The following AFF3 variants were observed in gnomAD, a reference collection of about 807,000 sequenced individuals.
The protein encoded by AFF3 is AF4/FMR2 family member 3.
AFF3 carries 32 observed loss-of-function variants against 129.7 expected under a neutral mutation model. The ratio of observed to expected loss-of-function variants is 0.25; its 90% CI spans 0.19 to 0.33. AFF3 has a LOEUF of 0.33. Among genes scored for constraint, AFF3 ranks in the 10% least tolerant of loss-of-function variants. AFF3 has a pLI of 1.00. For synonymous variants in AFF3, 644 were observed against 635.4 expected, an observed-to-expected ratio of 1.01 and a Z score of -0.20; for missense variants, 1,373 against 1,592.0, an observed-to-expected ratio of 0.86 and a Z score of 2.34.
chr2:99,996,445 C>T (rs763232229), intron 7 of AFF3, among the ~76,000 whole-genome samples: 24 of 151,392 alleles, frequency 1.6e-4, no homozygotes, highest in Non-Finnish European at 2.9e-4. Context: ...AGTCTCACTC[C>T]GTTGCCCAGG....
chr2:99,849,481 C>T (rs569398259), intron 7 of AFF3, among the ~76,000 whole-genome samples: 4 of 152,132 alleles, frequency 2.6e-5, no homozygotes, highest in South Asian at 2.1e-4. Flanking sequence ...TATGTCCCTG[C>T]GGTGGGGGCG....
chr2:99,664,957 T>A (rs1044578009), intron 12 of AFF3, among the ~76,000 whole-genome samples: 1 of 152,242 alleles, frequency 6.6e-6, no homozygotes, highest in Non-Finnish European at 1.5e-5. Context: ...GAGGGAGGTC[T>A]CCCTGAGGAA....
rs888602927 is a variant in AFF3, at chr2:99,593,893, G to A, written c.1768C>T (p.Arg590Cys). 5 of 1,486,370 alleles carry A rather than the reference G, an allele frequency of 3.4e-6. No individual in the cohort carries two copies. Among genetic ancestry groups the A allele is most frequent in the Non-Finnish European group, 4.4e-6 (5 of 1,125,914 alleles). The allele number at this position is 1,486,370 out of a possible 1,614,324, so 92.1% of individuals were successfully genotyped here. The change falls in exon 15 of 25, where the codon CGC (arginine) becomes TGC (cysteine). Residue 590 changes from arginine (R) to cysteine (C), a missense_variant. Coordinates refer to ENST00000672756, the MANE Select transcript of AFF3 (RefSeq NM_001386135.1). ...RRSAGKKPTRRTERTSAGDGA... is the reference protein window; with the variant it reads ...RRSAGKKPTRCTERTSAGDGA... ...TCCCCGGCTGAGGTCCTCTCGGTGC[G>A]CCTGGTGGGCTTCTTGCCCGCGGAC...
intron 11 of AFF3, among the ~76,000 whole-genome samples, chr2:99,708,297 C>T (rs1268783405): frequency 1.3e-5 from 2 of 152,176 alleles, no homozygotes; most frequent in South Asian, 2.1e-4. Flanking sequence ...ATTTCCACTC[C>T]TATCCTCTTG....
chr2:99,569,030 G>T, intron 18 of AFF3, 115 bp from the exon 19 acceptor site: 2 of 977,632 alleles, frequency 2.0e-6, no homozygotes, highest in Non-Finnish European at 3.2e-6. Context: ...GCTTAATGCG[G>T]AATTAAGTGT....
intron 8 of AFF3, among the ~76,000 whole-genome samples, chr2:99,815,437 A>G (rs1289113756): frequency 6.6e-6 from 1 of 152,254 alleles, no homozygotes; most frequent in African/African-American, 2.4e-5. Context: ...AGAAGAATTC[A>G]GCACAAGTCC....
At chr2:99,861,743 G>C (rs375264560) in intron 7 of AFF3, among the ~76,000 whole-genome samples, 2 of 152,256 alleles carry the variant, frequency 1.3e-5, no homozygotes, top group African/African-American at 4.8e-5. Context: ...TACCCAAACA[G>C]CGTAAGGTAC....
chr2:99,806,437 AGT>A (rs1427051993), intron 8 of AFF3, among the ~76,000 whole-genome samples: 1 of 152,280 alleles, frequency 6.6e-6, no homozygotes, highest in Non-Finnish European at 1.5e-5. Context: ...CTGCGATGGG[AGT>A]GTGTGCCAGG....
intron 24 of AFF3, 80 bp downstream of exon 24, chr2:99,554,231 C>T: frequency 7.0e-7 from 1 of 1,433,036 alleles, no homozygotes; most frequent in Non-Finnish European, 9.8e-7. Flanking sequence ...AGTATCCCAG[C>T]TACTCAGGAG....
chr2:99,770,260 C>T (rs185118256), intron 8 of AFF3, among the ~76,000 whole-genome samples: 8 of 152,330 alleles, frequency 5.3e-5, no homozygotes, highest in Non-Finnish European at 1.2e-4. Flanking sequence ...CCCAAGGCCA[C>T]GACCACGACA....
chr2:100,132,508 G>A (rs1403302075), intron 1 of AFF3, among the ~76,000 whole-genome samples: 3 of 151,920 alleles, frequency 2.0e-5, no homozygotes, highest in Admixed American at 6.6e-5. Context: ...AATGAAGAGA[G>A]AAAAAAGAAA....
At chr2:99,811,150 T>C (rs563111455) in intron 8 of AFF3, among the ~76,000 whole-genome samples, 2 of 152,336 alleles carry the variant, frequency 1.3e-5, no homozygotes, top group South Asian at 4.1e-4. Context: ...GCTGTAATTA[T>C]TTATCTATTG....
chr2:99,583,847 TGC>T (rs1459723865), intron 16 of AFF3, among the ~76,000 whole-genome samples: 2 of 151,892 alleles, frequency 1.3e-5, no homozygotes, highest in African/African-American at 4.8e-5. Context: ...GGATTACAGG[TGC>T]CTGCCACCAC....
At chr2:99,659,621 C>G (rs552453575) in intron 12 of AFF3, among the ~76,000 whole-genome samples, 3 of 152,088 alleles carry the variant, frequency 2.0e-5, no homozygotes, top group Non-Finnish European at 4.4e-5. Context: ...GTGCTAAGTT[C>G]GAAAAGTGCC....
intron 4 of AFF3, among the ~76,000 whole-genome samples, chr2:100,069,120 C>T (rs538923859): frequency 6.6e-6 from 1 of 152,220 alleles, no homozygotes; most frequent in South Asian, 2.1e-4. Flanking sequence ...AACCTCCACC[C>T]TCCAACAGGC....
intron 7 of AFF3, among the ~76,000 whole-genome samples, chr2:100,002,046 G>A (rs1033881259): frequency 1.3e-5 from 2 of 152,240 alleles, no homozygotes; most frequent in African/African-American, 2.4e-5. Flanking sequence ...ATGGGTGAGC[G>A]AGGGTGATGG....
At chr2:100,024,231 CAAAAAAAAAAAAAAA>C (rs56368025) in intron 4 of AFF3, among the ~76,000 whole-genome samples, 1 of 56,044 alleles carries the variant, frequency 1.8e-5, no homozygotes, top group Non-Finnish European at 3.2e-5. Context: ...GACTCCGTCT[CAAAAAAAAAAAAAAA>C]AAAAAAAAAA....
intron 12 of AFF3, among the ~76,000 whole-genome samples, chr2:99,668,941 T>C (rs1186282381): frequency 6.6e-6 from 1 of 152,192 alleles, no homozygotes; most frequent in Non-Finnish European, 1.5e-5. Flanking sequence ...AGATCAGTAT[T>C]ACCCTGATAT....
intron 14 of AFF3, among the ~76,000 whole-genome samples, chr2:99,598,319 G>A (rs1679489199): frequency 6.6e-6 from 1 of 152,114 alleles, no homozygotes. Context: ...TTAGCTGAGT[G>A]CAAAAGCAAC....
Sources: gnomAD v4.1 joint callset for allele counts (sites outside exome capture counted in the v4.1 genomes callset) on GRCh38, gnomAD v4.1.1 for gene constraint, MANE v1.5 for transcripts, NCBI Gene and HGNC (gene_info 2026-07-23, HGNC 2026-07-21) for gene names.